ERG28: variants seen among roughly 807,000 people sequenced by gnomAD.
ERG28 encodes ergosterol biosynthetic protein 28 homolog.
In ERG28, 9 loss-of-function variants were observed where a neutral mutation model predicts 15.7. The ratio of observed to expected loss-of-function variants is 0.57; its 90% CI spans 0.35 to 1.00. The LOEUF (loss-of-function observed/expected upper bound fraction) is 1.00, where lower values mean the gene tolerates loss of function less well. Ranked by LOEUF, ERG28 falls within the 50% of genes least tolerant of loss-of-function variation. The pLI is 0.02. For synonymous variants in ERG28, 61 were observed against 68.4 expected, an observed-to-expected ratio of 0.89 and a Z score of 0.53; for missense variants, 117 against 173.3, an observed-to-expected ratio of 0.68 and a Z score of 1.82.
intron 2 of ERG28, 45 bp from the exon 3 acceptor site, chr14:75,655,021 A>T (rs759489109): frequency 3.8e-6 from 6 of 1,558,750 alleles, no homozygotes; most frequent in Non-Finnish European, 5.3e-6. Context: ...GGGAGACTTG[A>T]GGTTCCTTCC....
intron 2 of ERG28, among the ~76,000 whole-genome samples, chr14:75,656,751 G>C (rs1374132813): frequency 6.6e-6 from 1 of 152,198 alleles, no homozygotes; most frequent in Non-Finnish European, 1.5e-5. Context: ...CAGGAAGCCA[G>C]GAAAGGCTGC....
rs1287607714 is a variant in ERG28, at chr14:75,651,186, A to C, written c.*369T>G. The stretch of plus-strand genomic sequence containing the variant: ...GCAGCAGGTTTAAGTTTCATAGTTC[A>C]CATGTTCCCACCACACAAGTCAAAT... On this transcript the variant is annotated 3_prime_UTR_variant, in exon 5 of 5. Coordinates refer to ENST00000256319, the MANE Select transcript of ERG28 (RefSeq NM_007176.4). 2 of 179,350 alleles carry C rather than the reference A, an allele frequency of 1.1e-5. No individual in the cohort carries two copies. The highest frequency in any genetic ancestry group is 1.1e-4 in the Admixed American group (2 of 18,444). 11.1% of individuals were successfully genotyped at this position (179,350 alleles called of 1,614,324 possible). A position where few individuals can be genotyped will look rare whatever the true frequency, so the allele number is the denominator to read the frequency against.
At chr14:75,660,736 A>T (rs2140067979) in intron 1 of ERG28, 39 bp downstream of exon 1, 1 of 152,270 alleles carries the variant, frequency 6.6e-6, no homozygotes, top group African/African-American at 2.4e-5. Flanking sequence ...GAAGCAACAC[A>T]GACACCTACA....
intron 3 of ERG28, among the ~76,000 whole-genome samples, chr14:75,652,817 CTTTTTTTTTTTTTT>C (rs59570063): frequency 3.1e-5 from 3 of 96,210 alleles, no homozygotes; most frequent in African/African-American, 5.0e-5. Context: ...ATTTTTACAC[CTTTTTTTTTTTTTT>C]TTTTTTTTTT....
chr14:75,660,127 T>G (rs1890663780), intron 1 of ERG28, among the ~76,000 whole-genome samples: 1 of 152,248 alleles, frequency 6.6e-6, no homozygotes, highest in African/African-American at 2.4e-5. Flanking sequence ...TCTCCACTTT[T>G]CTGCACAAGT....
In ERG28 at chr14:75,651,485, GGA is replaced by G. The variant is rs1275894215; in HGVS notation, c.*68_*69del. 6 of 1,416,792 alleles carry G rather than the reference GGA, an allele frequency of 4.2e-6. No individual in the cohort carries two copies. The highest frequency in any genetic ancestry group is 5.9e-6 in the Non-Finnish European group (6 of 1,014,534). The allele number at this position is 1,416,792 out of a possible 1,614,324, so 87.8% of individuals were successfully genotyped here. On this transcript the variant is annotated 3_prime_UTR_variant, in exon 5 of 5. Coordinates refer to ENST00000256319, the MANE Select transcript of ERG28 (RefSeq NM_007176.4). ...GATGGAATAGAAAAGAAATTAAAGAGGAGAGACGACGAAGGAAGAAGATGGCC... is the reference window on the plus strand; with the variant it reads ...GATGGAATAGAAAAGAAATTAAAGAGGAGACGACGAAGGAAGAAGATGGCC...
rs1259754670 is a variant in ERG28 at position 75,650,562 on chromosome 14, GC to G, written c.*992del. ...TTTAGTTGTCTTCTTCCCATGTCAT[GC>G]AGTTGTTTCATCTATGCTGCCTAGT... On this transcript the variant is annotated 3_prime_UTR_variant, in exon 5 of 5. Transcript: ENST00000256319. The G allele has an allele frequency of 1.3e-5, 2 of 152,340 alleles. No homozygotes were observed. Among genetic ancestry groups the G allele is most frequent in the African/African-American group, 4.8e-5 (2 of 41,576 alleles). 9.4% of individuals were successfully genotyped at this position (152,340 alleles called of 1,614,324 possible).
At chr14:75,655,093 G>A in intron 2 of ERG28, 117 bp from the exon 3 acceptor site, 1 of 963,582 alleles carries the variant, frequency 1.0e-6, no homozygotes, top group Non-Finnish European at 1.6e-6. Flanking sequence ...ACCTCTCTGT[G>A]GCTGGGCAGG....
At position 75,650,533 on chromosome 14, in the gene ERG28, G is replaced by A. The variant is rs887834903; in HGVS notation, c.*1022C>T. The A allele has an allele frequency of 2.0e-5, 3 of 152,240 alleles. No homozygotes were observed. The highest frequency in any genetic ancestry group is 2.9e-5 in the Non-Finnish European group (2 of 68,080). 9.4% of individuals were successfully genotyped at this position (152,240 alleles called of 1,614,324 possible). On this transcript the variant is annotated 3_prime_UTR_variant, in exon 5 of 5. Transcript: ENST00000256319. ...CTGTCCATTCCAGTGCATTCTCCTC[G>A]GGGTTTAGTTGTCTTCTTCCCATGT...
At chr14:75,657,144 T>C (rs1402813399) in intron 2 of ERG28, among the ~76,000 whole-genome samples, 1 of 152,116 alleles carries the variant, frequency 6.6e-6, no homozygotes, top group African/African-American at 2.4e-5. Context: ...CTCCAGTAGC[T>C]GCCAAAGGCT....
chr14:75,655,053 T>C, intron 2 of ERG28, 77 bp from the exon 3 acceptor site: 1 of 1,423,462 alleles, frequency 7.0e-7, no homozygotes, highest in South Asian at 1.1e-5. Flanking sequence ...ATTTCACTGG[T>C]GGTTCATGGG....
chr14:75,659,085 T>C (rs185630973), intron 1 of ERG28, among the ~76,000 whole-genome samples: 2 of 152,262 alleles, frequency 1.3e-5, no homozygotes, highest in Non-Finnish European at 2.9e-5. Context: ...ATCTTTACAA[T>C]GAGGTAAGCA....
chr14:75,652,255 C>G (rs561034791), intron 3 of ERG28, among the ~76,000 whole-genome samples: 1 of 152,236 alleles, frequency 6.6e-6, no homozygotes, highest in Admixed American at 6.5e-5. Context: ...AATTGGTTGA[C>G]TCTGCAGTCT....
At chr14:75,654,399 G>A (rs1890571075) in intron 3 of ERG28, among the ~76,000 whole-genome samples, 1 of 152,188 alleles carries the variant, frequency 6.6e-6, no homozygotes, top group African/African-American at 2.4e-5. Flanking sequence ...CCCAAGACAG[G>A]TAGATTCAGG....
chr14:75,651,531 G>C lies in ERG28; in HGVS notation c.*24C>G. 1 of 1,592,788 alleles carries C rather than the reference G, an allele frequency of 6.3e-7. No individual in the cohort carries two copies. The highest frequency in any genetic ancestry group is 8.6e-7 in the Non-Finnish European group (1 of 1,161,956). On this transcript the variant is annotated 3_prime_UTR_variant, in exon 5 of 5. Transcript: ENST00000256319. ...GATGGCCAAGGTGGAAAACGAGAAA[G>C]TCCTGGAGGTGATAATGCTGGCCTC...
At chr14:75,659,589 G>C (rs1351042204) in intron 1 of ERG28, among the ~76,000 whole-genome samples, 1 of 141,694 alleles carries the variant, frequency 7.1e-6, no homozygotes, top group African/African-American at 2.6e-5. Flanking sequence ...TTAAGGCTTA[G>C]TTCAACTCTT....
At chr14:75,656,404 G>A (rs1890599480) in intron 2 of ERG28, among the ~76,000 whole-genome samples, 1 of 151,962 alleles carries the variant, frequency 6.6e-6, no homozygotes, top group African/African-American at 2.4e-5. Context: ...CAAAGGGCTA[G>A]ACCAGATGAC....
chr14:75,656,220 G>C (rs1252629053), intron 2 of ERG28, among the ~76,000 whole-genome samples: 1 of 151,352 alleles, frequency 6.6e-6, no homozygotes, highest in Non-Finnish European at 1.5e-5. Flanking sequence ...TTTCAGAAGA[G>C]TACCATGAAG....
intron 1 of ERG28, among the ~76,000 whole-genome samples, chr14:75,659,368 A>G (rs1019947429): frequency 6.6e-6 from 1 of 151,028 alleles, no homozygotes. Flanking sequence ...TTATTTATTT[A>G]TTTTTTTGAG....
Sources: gnomAD v4.1 joint callset for allele counts (sites outside exome capture counted in the v4.1 genomes callset) on GRCh38, gnomAD v4.1.1 for gene constraint, MANE v1.5 for transcripts, NCBI Gene and HGNC (gene_info 2026-07-23, HGNC 2026-07-21) for gene names.